The following UBE2D4 variants were observed in gnomAD, a reference collection of about 807,000 sequenced individuals.
The protein encoded by UBE2D4 is ubiquitin conjugating enzyme E2 D4.
In UBE2D4, 17 loss-of-function variants were observed where a neutral mutation model predicts 23.0. The observed-to-expected ratio is 0.74, with a 90% CI of 0.51 to 1.11. The LOEUF is 1.11. UBE2D4 is among the 50% of genes least tolerant of loss of function. The pLI, the probability that UBE2D4 is intolerant of heterozygous loss-of-function variation, is 0.00. For missense variants in UBE2D4, 139 were observed against 181.8 expected (o/e 0.76, Z 1.35); for synonymous variants, 61 against 69.4 (o/e 0.88, Z 0.60).
intron 2 of UBE2D4, among the ~76,000 whole-genome samples, chr7:43,939,438 A>T (rs934172161): frequency 6.6e-6 from 1 of 152,082 alleles, no homozygotes; most frequent in Non-Finnish European, 1.5e-5. Context: ...TCCTCTGCCC[A>T]CTCACCTTGC....
At chr7:43,948,506 T>G (rs1230270183) in intron 4 of UBE2D4, 126 bp from the exon 5 acceptor site, 1 of 652,878 alleles carries the variant, frequency 1.5e-6, no homozygotes, top group African/African-American at 1.8e-5. Context: ...TGGCTTAGCC[T>G]GCACTGTGGG....
rs1273581962 is a variant in UBE2D4, at chr7:43,944,314, T to G, written c.198+1283T>G. ...CTTAGGTGATCCACCCACCTCCGCC[T>G]CCCAAAGTGCTGGGATTCCAAGTGT... is the stretch of plus-strand genomic sequence containing the variant. On this transcript the variant is annotated intron_variant, in intron 4 of 6. Coordinates refer to ENST00000222402, the MANE Select transcript of UBE2D4 (RefSeq NM_015983.4). The surrounding 1 kb of genome is among the most constrained non-coding windows in gnomAD (Gnocchi z 4.0). 3.3e-5 allele frequency: 5 copies of G among 152,182 alleles called. No homozygotes were observed. The highest frequency in any genetic ancestry group is 5.9e-5 in the Non-Finnish European group (4 of 68,042). The allele number at this position is 152,182 out of a possible 1,614,324, so 9.4% of individuals were successfully genotyped here.
intron 4 of UBE2D4, 192 bp downstream of exon 4, chr7:43,943,223 G>C: frequency 1.6e-6 from 1 of 622,132 alleles, no homozygotes; most frequent in Non-Finnish European, 2.8e-6. Flanking sequence ...TTGTGATCAA[G>C]GGTCAGTGGG....
chr7:43,948,536 C>A (rs1288037167), intron 4 of UBE2D4, 96 bp from the exon 5 acceptor site: 2 of 791,298 alleles, frequency 2.5e-6, no homozygotes, highest in Non-Finnish European at 4.3e-6. Context: ...GCAGCACACT[C>A]CAGGTACTGC....
chr7:43,929,624 A>AG lies in UBE2D4; in HGVS notation c.24+3068_24+3069insG, dbSNP rs573042867. 9.3e-4 allele frequency among the ~76,000 whole-genome samples: 141 copies of AG among 151,982 alleles called. 2 individuals carry two copies. The highest frequency in any genetic ancestry group is 3.3e-3 in the African/African-American group (136 of 41,476). On this transcript the variant is annotated intron_variant, in intron 1 of 6. Transcript: ENST00000222402. ...GACCCTGTCTTAAAACAAAAGCAAA[A>AG]CAAGAATCAAGGTCAGGGCTGGCTT...
chr7:43,935,909 T>C (rs537801209), intron 1 of UBE2D4, among the ~76,000 whole-genome samples: 1 of 152,286 alleles, frequency 6.6e-6, no homozygotes, highest in South Asian at 2.1e-4. Flanking sequence ...TCTGCGAAAC[T>C]GTTGGGGATT....
intron 4 of UBE2D4, among the ~76,000 whole-genome samples, chr7:43,948,330 T>C (rs1473440941): frequency 6.6e-6 from 1 of 152,222 alleles, no homozygotes; most frequent in Non-Finnish European, 1.5e-5. Flanking sequence ...CTTCCTGGGC[T>C]TTTGAGTCCT....
At chr7:43,927,516 G>A (rs530061629) in intron 1 of UBE2D4, among the ~76,000 whole-genome samples, 52 of 152,004 alleles carry the variant, frequency 3.4e-4, no homozygotes, top group Non-Finnish European at 6.0e-4. Flanking sequence ...TGTTGCCCAG[G>A]CTGGTCTCAT....
At chr7:43,928,217 T>A (rs1299809293) in intron 1 of UBE2D4, 1 of 304,864 alleles carries the variant, frequency 3.3e-6, no homozygotes, top group Non-Finnish European at 6.6e-6. Flanking sequence ...CACCAAGCCA[T>A]TCATGAGGAA....
chr7:43,929,862 A>G (rs536937956), intron 1 of UBE2D4, among the ~76,000 whole-genome samples: 2 of 152,356 alleles, frequency 1.3e-5, no homozygotes, highest in Admixed American at 6.5e-5. Flanking sequence ...AAGTGTGTCA[A>G]GCCTGCCGTG....
chr7:43,950,409 C>A (rs1483386917), intron 5 of UBE2D4, among the ~76,000 whole-genome samples, 190 bp from the exon 6 acceptor site: 1 of 152,102 alleles, frequency 6.6e-6, no homozygotes, highest in South Asian at 2.1e-4. Context: ...ATGCCTCAGG[C>A]CACACAGTGA....
chr7:43,949,748 C>T (rs910454787), intron 5 of UBE2D4, among the ~76,000 whole-genome samples: 1 of 152,206 alleles, frequency 6.6e-6, no homozygotes, highest in Non-Finnish European at 1.5e-5. Flanking sequence ...TGGGTGATTC[C>T]CTTCCCCTAG....
chr7:43,950,800 C>T (rs2096000694), intron 6 of UBE2D4, 108 bp downstream of exon 6: 2 of 881,232 alleles, frequency 2.3e-6, no homozygotes, highest in Non-Finnish European at 3.7e-6. Flanking sequence ...CCACAGACAT[C>T]TTCCTGCCCA....
Position 43,954,257 on chromosome 7 carries a change from C to CTTTTTTTT in UBE2D4, c.*1583_*1590dup, listed in dbSNP as rs774290334. The CTTTTTTTT allele has an allele frequency of 1.4e-5, 1 of 70,546 alleles. No individual in the cohort carries two copies. The highest frequency in any genetic ancestry group is 6.4e-5 in the African/African-American group (1 of 15,596). The allele number at this position is 70,546 out of a possible 1,614,324, so 4.4% of individuals were successfully genotyped here. On this transcript the variant is annotated 3_prime_UTR_variant, in exon 7 of 7. Transcript: ENST00000222402. The stretch of plus-strand genomic sequence containing the variant: ...TGCATCTCACCATGTTGAGGATTGC[C>CTTTTTTTT]TTTTTTTTTTTTTTTTTTTTTTTTT...
chr7:43,942,540 C>T (rs929380), intron 2 of UBE2D4: 218,400 of 566,816 alleles, frequency 0.39, 44,004 homozygotes, highest in South Asian at 0.58. Flanking sequence ...CCTGACTCCA[C>T]GGAGAGAGAA....
intron 4 of UBE2D4, among the ~76,000 whole-genome samples, chr7:43,946,876 TTTC>T (rs1261905581): frequency 6.6e-6 from 1 of 152,020 alleles, no homozygotes; most frequent in East Asian, 1.9e-4. Context: ...AGCTTCTCTT[TTTC>T]TTTTTTTTTT....
Position 43,953,179 on chromosome 7 carries a change from GA to G in UBE2D4, c.*485del, listed in dbSNP as rs1321845203. 5 of 456,628 alleles carry G rather than the reference GA, an allele frequency of 1.1e-5. No individual in the cohort carries two copies. In the Admixed American group the frequency reaches 1.2e-4, roughly 11 times the overall value. The allele number at this position is 456,628 out of a possible 1,614,324, so 28.3% of individuals were successfully genotyped here. On this transcript the variant is annotated 3_prime_UTR_variant, in exon 7 of 7. Transcript: ENST00000222402. ...CTCATCTGCTGCAGAACCACATCCT[GA>G]GGAGTCTCAGCTTATCCTGGAGGGA...
intron 1 of UBE2D4, among the ~76,000 whole-genome samples, chr7:43,927,426 C>T (rs989210412): frequency 6.6e-6 from 1 of 151,750 alleles, no homozygotes. Flanking sequence ...GATCCTCCCT[C>T]CTCAGCTTCC....
chr7:43,932,734 A>G (rs1301485079), intron 1 of UBE2D4, among the ~76,000 whole-genome samples: 3 of 152,068 alleles, frequency 2.0e-5, no homozygotes, highest in African/African-American at 4.8e-5. Flanking sequence ...TGGAGGTTGC[A>G]GTGAACCAAG....
Sources: gnomAD v4.1 joint callset for allele counts (sites outside exome capture counted in the v4.1 genomes callset) on GRCh38, gnomAD v4.1.1 for gene constraint, Gnocchi (gnomAD v3.1) non-coding constraint, MANE v1.5 for transcripts, NCBI Gene and HGNC (gene_info 2026-07-23, HGNC 2026-07-21) for gene names.